The following APBB2 variants were observed in gnomAD, a reference collection of about 807,000 sequenced individuals.
APBB2 encodes the protein amyloid beta precursor protein binding family B member 2.
APBB2 carries 38 observed loss-of-function variants against 82.5 expected under a neutral mutation model. The ratio of observed to expected loss-of-function variants is 0.46; its 90% CI spans 0.36 to 0.60. APBB2 has a LOEUF of 0.60. APBB2 is among the 20% of genes least tolerant of loss of function. The probability of loss-of-function intolerance (pLI) is 0.00; values close to 1 mark genes in which losing one functional copy is unlikely to be tolerated. For synonymous variants in APBB2, 341 were observed against 368.2 expected (o/e 0.93, Z 0.85); for missense variants, 772 against 972.3 (o/e 0.79, Z 2.74).
At chr4:41,021,665 C>T (rs532158497) in intron 5 of APBB2, among the ~76,000 whole-genome samples, 3 of 152,232 alleles carry the variant, frequency 2.0e-5, no homozygotes, top group South Asian at 2.1e-4. Flanking sequence ...ATCAGCAGGA[C>T]GTGGGTGGGG....
intron 2 of APBB2, among the ~76,000 whole-genome samples, chr4:41,109,876 T>TA (rs907069056): frequency 3.4e-4 from 52 of 152,220 alleles, no homozygotes; most frequent in Non-Finnish European, 7.3e-4. Flanking sequence ...GTCACGGAGC[T>TA]AAAAAATTAA....
At chr4:40,841,343 G>T (rs1010045384) in intron 12 of APBB2, among the ~76,000 whole-genome samples, 2 of 152,136 alleles carry the variant, frequency 1.3e-5, no homozygotes, top group African/African-American at 4.8e-5. Flanking sequence ...CATTCAAGGA[G>T]AATTATCTCC....
intron 12 of APBB2, among the ~76,000 whole-genome samples, chr4:40,871,086 T>C (rs1765397256): frequency 6.6e-6 from 1 of 152,140 alleles, no homozygotes; most frequent in Non-Finnish European, 1.5e-5. Flanking sequence ...TCCAGGATAA[T>C]ATCCTCAGGT....
At chr4:40,882,638 A>C (rs973725985) in intron 12 of APBB2, among the ~76,000 whole-genome samples, 1 of 152,216 alleles carries the variant, frequency 6.6e-6, no homozygotes, top group African/African-American at 2.4e-5. Flanking sequence ...AGTGCTGCAC[A>C]GTCACCAGAG....
At chr4:40,930,420 A>AGTGTGT (rs566261600) in intron 10 of APBB2, among the ~76,000 whole-genome samples, 273 of 145,876 alleles carry the variant, frequency 1.9e-3, no homozygotes, top group East Asian at 5.6e-3. Flanking sequence ...TCTTTGGGGA[A>AGTGTGT]GTGTGTGTGT....
chr4:41,091,359 A>G (rs556594583), intron 3 of APBB2, among the ~76,000 whole-genome samples: 3 of 152,364 alleles, frequency 2.0e-5, no homozygotes, highest in African/African-American at 7.2e-5. Flanking sequence ...GTGCAGCTAC[A>G]AAGTATGCTA....
intron 4 of APBB2, among the ~76,000 whole-genome samples, chr4:41,050,600 G>C (rs2154459325): frequency 6.6e-6 from 1 of 152,188 alleles, no homozygotes; most frequent in South Asian, 2.1e-4. Flanking sequence ...CCTTTCCCTG[G>C]AAAATCAAGC....
At chr4:41,036,537 T>C (rs903581743) in intron 4 of APBB2, among the ~76,000 whole-genome samples, 27 of 152,206 alleles carry the variant, frequency 1.8e-4, no homozygotes, top group Non-Finnish European at 3.4e-4. Flanking sequence ...TACCGTCTTG[T>C]GGAACTTACA....
chr4:41,009,101 G>A (rs1005604877), intron 6 of APBB2, among the ~76,000 whole-genome samples: 6 of 151,914 alleles, frequency 3.9e-5, no homozygotes, highest in African/African-American at 1.2e-4. Flanking sequence ...TCTTTTCAAC[G>A]TTTTCATAAA....
chr4:41,038,712 T>C (rs1458475299), intron 4 of APBB2, among the ~76,000 whole-genome samples: 1 of 152,202 alleles, frequency 6.6e-6, no homozygotes, highest in Non-Finnish European at 1.5e-5. Context: ...ATACTCCCTT[T>C]CTATAACAAA....
chr4:41,032,144 T>C (rs527471767), intron 5 of APBB2, among the ~76,000 whole-genome samples: 1 of 152,366 alleles, frequency 6.6e-6, no homozygotes, highest in South Asian at 2.1e-4. Context: ...AGAAAACAGC[T>C]TGATTATATT....
chr4:40,873,873 T>G (rs1306237438), intron 12 of APBB2, among the ~76,000 whole-genome samples: 1 of 152,208 alleles, frequency 6.6e-6, no homozygotes, highest in African/African-American at 2.4e-5. Context: ...TCCCAATTAT[T>G]GAATAATAGA....
intron 12 of APBB2, among the ~76,000 whole-genome samples, chr4:40,858,477 A>AAAAAAAAAAAAT (rs1761999928): frequency 6.8e-6 from 1 of 146,358 alleles, no homozygotes. Context: ...AAAAAAAAAA[A>AAAAAAAAAAAAT]AGAGCAAAAT....
At chr4:41,088,442 T>C (rs954128818) in intron 3 of APBB2, among the ~76,000 whole-genome samples, 1 of 152,246 alleles carries the variant, frequency 6.6e-6, no homozygotes, top group African/African-American at 2.4e-5. Context: ...CTGTGGCTAT[T>C]GCCATCGCAG....
chr4:41,120,619 T>C (rs957816672), intron 2 of APBB2, among the ~76,000 whole-genome samples: 1 of 152,174 alleles, frequency 6.6e-6, no homozygotes, highest in Non-Finnish European at 1.5e-5. Flanking sequence ...GCCCTCCAAT[T>C]TGGGGCCAAG....
chr4:40,871,241 A>G (rs1297746391), intron 12 of APBB2, among the ~76,000 whole-genome samples: 1 of 152,140 alleles, frequency 6.6e-6, no homozygotes, highest in Non-Finnish European at 1.5e-5. Flanking sequence ...TCCTGGGTTC[A>G]AGTGGCGATC....
At chr4:41,014,739 C>T (rs927259497) in intron 5 of APBB2, among the ~76,000 whole-genome samples, 1 of 152,140 alleles carries the variant, frequency 6.6e-6, no homozygotes, top group African/African-American at 2.4e-5. Flanking sequence ...CTTGAAAAAT[C>T]ATCCCCTTTC....
intron 6 of APBB2, among the ~76,000 whole-genome samples, chr4:40,987,298 C>T: frequency 6.6e-6 from 1 of 152,290 alleles, no homozygotes; most frequent in East Asian, 1.9e-4. Flanking sequence ...TTATTTAAAA[C>T]TTAACAGGCA....
Position 40,823,633 on chromosome 4 carries a change from T to C in APBB2, c.1932+11A>G, listed in dbSNP as rs1178884988. 6.3e-7 allele frequency: 1 copy of C among 1,583,202 alleles called. No individual in the cohort carries two copies. The highest frequency in any genetic ancestry group is 8.7e-7 in the Non-Finnish European group (1 of 1,152,312). ...TAAGACACACCAATGTCATCGAAGA[T>C]TCCTTCTCACCTTTTCACTGATGAC... On this transcript the variant is annotated intron_variant, in intron 16 of 17. Coordinates refer to ENST00000508593, the MANE Select transcript of APBB2 (RefSeq NM_004307.2).
Sources: gnomAD v4.1 joint callset for allele counts (sites outside exome capture counted in the v4.1 genomes callset) on GRCh38, gnomAD v4.1.1 for gene constraint, MANE v1.5 for transcripts, NCBI Gene and HGNC (gene_info 2026-07-23, HGNC 2026-07-21) for gene names.